Variants in CDH13 observed in about 807,000 individuals in gnomAD.
The protein encoded by CDH13 is cadherin-13.
Under a neutral mutation model 63.8 loss-of-function variants are expected in CDH13, and 24 were observed. That is an observed-to-expected ratio of 0.38 (90% CI 0.27 to 0.53). The LOEUF (loss-of-function observed/expected upper bound fraction) is 0.53, where lower values mean the gene tolerates loss of function less well. CDH13 is among the 20% of genes least tolerant of loss of function. The probability of loss-of-function intolerance (pLI) is 0.85; values close to 1 mark genes in which losing one functional copy is unlikely to be tolerated. For missense variants in CDH13, 1,049 were observed against 903.1 expected, an observed-to-expected ratio of 1.16 and a Z score of -2.07; for synonymous variants, 503 against 355.3, an observed-to-expected ratio of 1.42 and a Z score of -4.67.
intron 10 of CDH13, among the ~76,000 whole-genome samples, chr16:83,740,719 C>T (rs1187352703): frequency 6.6e-6 from 1 of 152,118 alleles, no homozygotes; most frequent in East Asian, 1.9e-4. Flanking sequence ...GTCAAGAGCT[C>T]CTGCCCTGTT....
chr16:82,889,704 CTCTG>C lies in CDH13; in HGVS notation c.157+31235_157+31238del, dbSNP rs1307728623. On this transcript the variant is annotated intron_variant, in intron 2 of 13. Transcript: ENST00000567109. Reference sequence around the variant, plus strand: ...ACAGGGTTACACATGACAGAGTTGGCTCTGTCTATGTTGTACTTAATATTATTGT... The same window carrying C: ...ACAGGGTTACACATGACAGAGTTGGCTCTATGTTGTACTTAATATTATTGT... Among the ~76,000 whole-genome samples the C allele has an allele frequency of 1.4e-4, 21 of 152,248 alleles. No individual in the cohort carries two copies. In the South Asian group the frequency reaches 3.3e-3, roughly 24 times the overall value.
intron 11 of CDH13, among the ~76,000 whole-genome samples, chr16:83,749,749 G>C (rs1912923484): frequency 6.6e-6 from 1 of 152,134 alleles, no homozygotes; most frequent in South Asian, 2.1e-4. Context: ...TGAATTATTT[G>C]GAAGGTTAGT....
At chr16:83,486,841 G>A (rs982006482) in intron 7 of CDH13, among the ~76,000 whole-genome samples, 186 bp downstream of exon 7, 6 of 152,120 alleles carry the variant, frequency 3.9e-5, no homozygotes, top group African/African-American at 9.7e-5. Flanking sequence ...AAGAAAACAC[G>A]TGCTCTAAAA....
chr16:83,409,811 T>A (rs951922062), intron 6 of CDH13, among the ~76,000 whole-genome samples: 1 of 152,266 alleles, frequency 6.6e-6, no homozygotes, highest in Non-Finnish European at 1.5e-5. Flanking sequence ...GATATTTGAT[T>A]CTTGGGATAT....
At chr16:82,845,963 C>A (rs1414607165) in intron 1 of CDH13, among the ~76,000 whole-genome samples, 1 of 152,152 alleles carries the variant, frequency 6.6e-6, no homozygotes, top group Non-Finnish European at 1.5e-5. Flanking sequence ...AGAGTTAATT[C>A]CATTTAGACA....
At chr16:82,627,341 T>TGC (rs1567568821) in intron 1 of CDH13, among the ~76,000 whole-genome samples, 14 of 10,842 alleles carry the variant, frequency 1.3e-3, no homozygotes, top group African/African-American at 1.9e-3. Context: ...GGCGTGCGTG[T>TGC]GTGTGTGTGT....
chr16:83,036,233 T>A (rs1309343851), intron 3 of CDH13, among the ~76,000 whole-genome samples: 2 of 139,248 alleles, frequency 1.4e-5, no homozygotes, highest in Non-Finnish European at 3.0e-5. Flanking sequence ...CACTGCAACC[T>A]CCACCTCCTG....
intron 6 of CDH13, among the ~76,000 whole-genome samples, chr16:83,379,205 C>G (rs1347394318): frequency 6.6e-6 from 1 of 152,138 alleles, no homozygotes; most frequent in African/African-American, 2.4e-5. Context: ...GCATCTTCAC[C>G]AAAGTAATAA....
At chr16:82,928,164 A>ATATGTG in intron 2 of CDH13, among the ~76,000 whole-genome samples, 1 of 151,034 alleles carries the variant, frequency 6.6e-6, no homozygotes, top group East Asian at 2.0e-4. Flanking sequence ...GCAGTCGTGT[A>ATATGTG]TGTGTGTGTG....
intron 6 of CDH13, among the ~76,000 whole-genome samples, chr16:83,474,735 T>G (rs1163758675): frequency 6.6e-6 from 1 of 152,230 alleles, no homozygotes; most frequent in Admixed American, 6.5e-5. Context: ...AGGAATAAAC[T>G]GTGAAGCCAG....
At chr16:83,689,760 G>C (rs1411600703) in intron 10 of CDH13, among the ~76,000 whole-genome samples, 3 of 152,156 alleles carry the variant, frequency 2.0e-5, no homozygotes, top group Admixed American at 6.5e-5. Flanking sequence ...CTGCACATGT[G>C]AAAGGAGGAC....
chr16:83,141,132 C>T (rs576266910), intron 4 of CDH13, among the ~76,000 whole-genome samples: 1 of 152,220 alleles, frequency 6.6e-6, no homozygotes, highest in Non-Finnish European at 1.5e-5. Flanking sequence ...TCTCCCTCTC[C>T]TGATTCAGTG....
chr16:82,950,642 C>G (rs1905197226), intron 2 of CDH13, among the ~76,000 whole-genome samples: 1 of 152,114 alleles, frequency 6.6e-6, no homozygotes, highest in African/African-American at 2.4e-5. Flanking sequence ...GTCCATTAAA[C>G]ATCTTTTTCT....
intron 2 of CDH13, among the ~76,000 whole-genome samples, chr16:82,874,484 T>C (rs944038330): frequency 8.6e-5 from 13 of 152,044 alleles, no homozygotes; most frequent in African/African-American, 2.7e-4. Flanking sequence ...ACCAGCTTTT[T>C]TCTTTTCCAT....
At chr16:82,949,392 C>A (rs1260812316) in intron 2 of CDH13, among the ~76,000 whole-genome samples, 2 of 152,166 alleles carry the variant, frequency 1.3e-5, no homozygotes, top group Non-Finnish European at 2.9e-5. Flanking sequence ...TAGGTCCACT[C>A]TAACGGCTTC....
intron 8 of CDH13, among the ~76,000 whole-genome samples, chr16:83,666,789 C>A (rs2150847867): frequency 6.6e-6 from 1 of 152,280 alleles, no homozygotes; most frequent in East Asian, 1.9e-4. Flanking sequence ...TGATGATCCT[C>A]TCCAGACTGG....
chr16:83,315,623 T>C (rs1301468676), intron 5 of CDH13, among the ~76,000 whole-genome samples: 4 of 150,672 alleles, frequency 2.7e-5, no homozygotes, highest in African/African-American at 9.8e-5. Context: ...TCACCAAATA[T>C]GTTACAAACT....
At chr16:82,658,194 C>A (rs1428257543) in intron 1 of CDH13, among the ~76,000 whole-genome samples, 1 of 152,154 alleles carries the variant, frequency 6.6e-6, no homozygotes, top group Non-Finnish European at 1.5e-5. Flanking sequence ...GCATATGAGC[C>A]TCCTGGTCAT....
At chr16:82,974,333 A>G (rs1162170581) in intron 2 of CDH13, among the ~76,000 whole-genome samples, 1 of 152,004 alleles carries the variant, frequency 6.6e-6, no homozygotes, top group Non-Finnish European at 1.5e-5. Flanking sequence ...CACATCCTTC[A>G]CTTTTCCATT....
Sources: gnomAD v4.1 joint callset for allele counts (sites outside exome capture counted in the v4.1 genomes callset) on GRCh38, gnomAD v4.1.1 for gene constraint, MANE v1.5 for transcripts, NCBI Gene and HGNC (gene_info 2026-07-23, HGNC 2026-07-21) for gene names.